FARS2: variants seen among roughly 807,000 people sequenced by gnomAD.
The protein encoded by FARS2 is phenylalanyl-tRNA synthetase 2, mitochondrial.
In FARS2, 40 loss-of-function variants were observed where a neutral mutation model predicts 46.4. That is an observed-to-expected ratio of 0.86 (90% confidence interval 0.67 to 1.12). The LOEUF is 1.12. Ranked by LOEUF, FARS2 falls within the 50% of genes most tolerant of loss-of-function variation. The pLI is 0.00. For synonymous variants in FARS2, 234 were observed against 214.9 expected (o/e 1.09, Z -0.78); for missense variants, 513 against 567.9 (o/e 0.90, Z 0.98).
In FARS2 at chr6:5,431,141, C is replaced by T. The variant is rs372301183; in HGVS notation, c.873C>T (p.Cys291=). ...FHGEWLEVLG[C]GVMEQQLVNS... is the part of the protein sequence containing the mutation. ...GAGAATGGCTGGAAGTTCTTGGCTG[C>T]GGGGTGATGGAACAACAACTGGTCA... is the stretch of plus-strand genomic sequence containing the variant. The change falls in exon 4 of 7, where the codon TGC becomes TGT. Residue 291 remains cysteine, a synonymous_variant. Transcript: ENST00000274680. 159 of 1,613,654 alleles carry T rather than the reference C, an allele frequency of 9.9e-5. No homozygotes were observed. Among genetic ancestry groups the T allele is most frequent in the Admixed American group, 3.3e-4 (20 of 59,986 alleles).
intron 4 of FARS2, among the ~76,000 whole-genome samples, chr6:5,496,110 A>G (rs1767447197): frequency 6.6e-6 from 1 of 152,200 alleles, no homozygotes; most frequent in South Asian, 2.1e-4. Context: ...CTACGGCCAT[A>G]TAAAACAATA....
In FARS2 at chr6:5,279,574, G is replaced by GTA. The variant is rs138587263; in HGVS notation, c.-22+17926_-22+17927dup. Among the ~76,000 whole-genome samples, 214 of 147,438 alleles carry GTA rather than the reference G, an allele frequency of 1.5e-3. 1 individual carries two copies. Among genetic ancestry groups the GTA allele is most frequent in the African/African-American group, 4.7e-3 (191 of 40,260 alleles). On this transcript the variant is annotated intron_variant, in intron 1 of 6. Coordinates refer to ENST00000274680, the MANE Select transcript of FARS2 (RefSeq NM_006567.5). ...AATATAAATGTGTGTGTGTGTGTGT[G>GTA]TATATATATATATTTTATATATATA...
chr6:5,359,777 T>C (rs573195696), intron 1 of FARS2, among the ~76,000 whole-genome samples: 1 of 152,362 alleles, frequency 6.6e-6, no homozygotes, highest in African/African-American at 2.4e-5. Flanking sequence ...TACTTACATT[T>C]ATCCATGGAA....
intron 2 of FARS2, among the ~76,000 whole-genome samples, chr6:5,401,403 C>T (rs1487933402): frequency 1.3e-5 from 2 of 152,098 alleles, no homozygotes; most frequent in African/African-American, 2.4e-5. Context: ...TAACTATTGC[C>T]TATGCAATAA....
chr6:5,491,744 A>T (rs758805671), intron 4 of FARS2, among the ~76,000 whole-genome samples: 7 of 152,206 alleles, frequency 4.6e-5, no homozygotes, highest in African/African-American at 7.2e-5. Context: ...CTTTCTCGCT[A>T]GTCCCTTTAA....
intron 6 of FARS2, among the ~76,000 whole-genome samples, chr6:5,758,058 G>A (rs1762299608): frequency 6.6e-6 from 1 of 152,176 alleles, no homozygotes; most frequent in Non-Finnish European, 1.5e-5. Flanking sequence ...CTCCCTAGAA[G>A]GTAAAAATGA....
chr6:5,703,280 G>A (rs1472290344), intron 6 of FARS2, among the ~76,000 whole-genome samples: 1 of 152,114 alleles, frequency 6.6e-6, no homozygotes, highest in East Asian at 1.9e-4. Flanking sequence ...ACGCTGTTCA[G>A]TGCCTTCTGA....
chr6:5,552,088 A>G (rs907140218), intron 5 of FARS2, among the ~76,000 whole-genome samples: 1 of 152,218 alleles, frequency 6.6e-6, no homozygotes, highest in Non-Finnish European at 1.5e-5. Context: ...TCGTCATGAC[A>G]GATTGCTTGC....
At chr6:5,270,609 A>C (rs28624448) in intron 1 of FARS2, among the ~76,000 whole-genome samples, 1 of 152,170 alleles carries the variant, frequency 6.6e-6, no homozygotes, top group South Asian at 2.1e-4. Flanking sequence ...ACTGGTGGTC[A>C]GGTATGTTCC....
Position 5,613,282 on chromosome 6 carries a change from G to A in FARS2, c.1179G>A (p.Val393=), listed in dbSNP as rs770126938. 2 of 1,613,420 alleles carry A rather than the reference G, an allele frequency of 1.2e-6. No homozygotes were observed. Among genetic ancestry groups the A allele is most frequent in the South Asian group, 1.1e-5 (1 of 90,986 alleles). ...DLVRTIGGDL[V]EKVDLIDKFV... ...TCCGAACAATTGGAGGAGACCTGGTGGAAAAGGTTGATCTCATAGACAAGT... is the reference window on the plus strand; with the variant it reads ...TCCGAACAATTGGAGGAGACCTGGTAGAAAAGGTTGATCTCATAGACAAGT... Residue 393 remains valine, a synonymous_variant, in exon 6 of 7, where the codon GTG becomes GTA. Transcript: ENST00000274680.
intron 3 of FARS2, among the ~76,000 whole-genome samples, chr6:5,411,915 G>A (rs1490630335): frequency 6.6e-6 from 1 of 152,196 alleles, no homozygotes; most frequent in Admixed American, 6.5e-5. Context: ...AGTAACCAAG[G>A]TGGGGATTTA....
chr6:5,657,224 T>C (rs184410662), intron 6 of FARS2, among the ~76,000 whole-genome samples: 6 of 152,314 alleles, frequency 3.9e-5, no homozygotes, highest in Admixed American at 3.3e-4. Context: ...CCCTTTATTA[T>C]TGTTCAGCTT....
At position 5,310,383 on chromosome 6, in the gene FARS2, C is replaced by T. The variant is rs540046568; in HGVS notation, c.-22+48723C>T. Among the ~76,000 whole-genome samples, 4 of 151,188 alleles carry T rather than the reference C, an allele frequency of 2.6e-5. No homozygotes were observed. The East Asian group carries it at 7.7e-4, about 29-fold the overall frequency. On this transcript the variant is annotated intron_variant, in intron 1 of 6. Transcript: ENST00000274680. The stretch of plus-strand genomic sequence containing the variant: ...TCATAAACTAATAATTGTTAGATTT[C>T]CTTATATAAAATTTAGGTTTAAGGA...
chr6:5,441,544 T>C (rs1763843688), intron 4 of FARS2, among the ~76,000 whole-genome samples: 1 of 152,238 alleles, frequency 6.6e-6, no homozygotes, highest in Non-Finnish European at 1.5e-5. Flanking sequence ...TTTTCATGCA[T>C]TAGTGTGAAG....
At chr6:5,556,511 C>T (rs1271872162) in intron 5 of FARS2, among the ~76,000 whole-genome samples, 3 of 151,696 alleles carry the variant, frequency 2.0e-5, no homozygotes, top group African/African-American at 7.3e-5. Context: ...ATTTAATTGC[C>T]CTGTAGTCTA....
intron 4 of FARS2, among the ~76,000 whole-genome samples, chr6:5,508,204 T>C (rs912367572): frequency 2.6e-5 from 4 of 152,198 alleles, no homozygotes; most frequent in African/African-American, 9.7e-5. Flanking sequence ...ATATAAACCA[T>C]TAAGTGCAGT....
chr6:5,399,926 T>G (rs7760135), intron 2 of FARS2, among the ~76,000 whole-genome samples: 34,797 of 152,064 alleles, frequency 0.23, 4,252 homozygotes, highest in Middle Eastern at 0.29. Flanking sequence ...AATACTACAA[T>G]GAAAATTTTG....
At position 5,583,013 on chromosome 6, in the gene FARS2, G is replaced by T. The variant is rs867496201; in HGVS notation, c.1066-30156G>T. ...AATGGGCTGTAAAAAATAATGTGCT[G>T]TGGTGGTGTGTCTGATGATTTCCAG... On this transcript the variant is annotated intron_variant, in intron 5 of 6. Coordinates refer to ENST00000274680, the MANE Select transcript of FARS2 (RefSeq NM_006567.5). Among the ~76,000 whole-genome samples, 3 of 152,182 alleles carry T rather than the reference G, an allele frequency of 2.0e-5. No individual in the cohort carries two copies. In the South Asian group the frequency reaches 6.2e-4, roughly 32 times the overall value.
intron 6 of FARS2, among the ~76,000 whole-genome samples, chr6:5,619,582 T>C (rs1449477838): frequency 6.6e-6 from 1 of 152,206 alleles, no homozygotes; most frequent in Non-Finnish European, 1.5e-5. Context: ...TCCTCATGGT[T>C]ATATTCCCTT....
Sources: gnomAD v4.1 joint callset for allele counts (sites outside exome capture counted in the v4.1 genomes callset) on GRCh38, gnomAD v4.1.1 for gene constraint, MANE v1.5 for transcripts, NCBI Gene and HGNC (gene_info 2026-07-23, HGNC 2026-07-21) for gene names.